MSI2: variants seen among roughly 807,000 people sequenced by gnomAD.
The protein encoded by MSI2 is musashi RNA binding protein 2.
Under a neutral mutation model 45.6 loss-of-function variants are expected in MSI2, and 17 were observed. That is an observed-to-expected ratio of 0.37 (90% confidence interval 0.26 to 0.56). MSI2 has a LOEUF of 0.56. Ranked by LOEUF, MSI2 falls within the 20% of genes least tolerant of loss-of-function variation. The pLI is 0.77. For synonymous variants in MSI2, 156 were observed against 158.2 expected, an observed-to-expected ratio of 0.99 and a Z score of 0.11; for missense variants, 293 against 444.2, an observed-to-expected ratio of 0.66 and a Z score of 3.06.
chr17:57,288,760 C>G (rs1299343084), intron 5 of MSI2, among the ~76,000 whole-genome samples: 1 of 152,132 alleles, frequency 6.6e-6, no homozygotes. Flanking sequence ...CTTCTGTGCT[C>G]TAGGCCAGGG....
chr17:57,382,329 G>T lies in MSI2; in HGVS notation c.313-19050G>T, dbSNP rs144325892. ...ATGAGAGGCTGGGAGAAGGTCTAGG[G>T]AGTGCTGAGGTGTGGGCGGAATTGA... On this transcript the variant is annotated intron_variant, in intron 5 of 13. Transcript: ENST00000284073. Among the ~76,000 whole-genome samples the T allele has an allele frequency of 2.9e-3, 449 of 152,292 alleles. 2 individuals are homozygous for T. Among genetic ancestry groups the T allele is most frequent in the African/African-American group, 0.01 (430 of 41,554 alleles).
At chr17:57,533,508 A>C (rs999536293) in intron 7 of MSI2, among the ~76,000 whole-genome samples, 1 of 152,220 alleles carries the variant, frequency 6.6e-6, no homozygotes, top group South Asian at 2.1e-4. Context: ...GATGAGCCCC[A>C]GGACCTGAAG....
At chr17:57,378,833 T>C (rs753077403) in intron 5 of MSI2, among the ~76,000 whole-genome samples, 8 of 152,192 alleles carry the variant, frequency 5.3e-5, no homozygotes, top group Non-Finnish European at 8.8e-5. Context: ...TGCCCCAAAC[T>C]GAATTATCCC....
chr17:57,672,404 T>G (rs555556267), intron 11 of MSI2, among the ~76,000 whole-genome samples: 13 of 152,330 alleles, frequency 8.5e-5, no homozygotes, highest in Admixed American at 5.2e-4. Flanking sequence ...CCAACAGCCC[T>G]TTTGTCTTCT....
At chr17:57,361,005 C>T (rs1445184661) in intron 5 of MSI2, among the ~76,000 whole-genome samples, 1 of 152,170 alleles carries the variant, frequency 6.6e-6, no homozygotes, top group Non-Finnish European at 1.5e-5. Context: ...AATATTAACT[C>T]GGAATATGGG....
intron 10 of MSI2, chr17:57,632,285 T>C (rs1325149754): frequency 8.3e-6 from 9 of 1,078,546 alleles, no homozygotes; most frequent in Admixed American, 5.2e-5. Flanking sequence ...TGTCTTACGA[T>C]GGACAGTGAT....
At chr17:57,442,106 G>A (rs767130360) in intron 6 of MSI2, among the ~76,000 whole-genome samples, 4 of 150,470 alleles carry the variant, frequency 2.7e-5, no homozygotes, top group Non-Finnish European at 5.9e-5. Flanking sequence ...GTGCGATCTC[G>A]GCTCACTGGG....
intron 5 of MSI2, among the ~76,000 whole-genome samples, chr17:57,334,549 T>G (rs1248674731): frequency 6.6e-6 from 1 of 152,110 alleles, no homozygotes; most frequent in Non-Finnish European, 1.5e-5. Context: ...ATCCCAGCAC[T>G]TTGGGAAGCC....
intron 11 of MSI2, among the ~76,000 whole-genome samples, chr17:57,674,346 T>A (rs1423593216): frequency 1.3e-5 from 2 of 151,214 alleles, no homozygotes; most frequent in Non-Finnish European, 2.9e-5. Flanking sequence ...ACAAAACAAA[T>A]TTGTCATTTA....
chr17:57,322,542 A>C (rs1427901097), intron 5 of MSI2, among the ~76,000 whole-genome samples: 1 of 150,204 alleles, frequency 6.7e-6, no homozygotes, highest in Non-Finnish European at 1.5e-5. Flanking sequence ...AAATAACAGC[A>C]TAGAAATAAA....
chr17:57,275,131 T>C (rs533463006), intron 5 of MSI2, among the ~76,000 whole-genome samples: 2 of 152,164 alleles, frequency 1.3e-5, no homozygotes, highest in South Asian at 4.2e-4. Context: ...TAAAAGAGGG[T>C]GTTGTCATCC....
At chr17:57,516,591 T>C (rs1299643857) in intron 6 of MSI2, among the ~76,000 whole-genome samples, 2 of 152,192 alleles carry the variant, frequency 1.3e-5, no homozygotes, top group South Asian at 2.1e-4. Flanking sequence ...CCAACAGATA[T>C]TTGTTGAGCA....
chr17:57,328,233 T>G (rs1020570836), intron 5 of MSI2, among the ~76,000 whole-genome samples: 6 of 151,942 alleles, frequency 3.9e-5, no homozygotes, highest in Non-Finnish European at 5.9e-5. Flanking sequence ...CATCCATGCA[T>G]CTACCTAGCC....
At chr17:57,294,199 G>A (rs756416665) in intron 5 of MSI2, among the ~76,000 whole-genome samples, 1 of 152,128 alleles carries the variant, frequency 6.6e-6, no homozygotes, top group Non-Finnish European at 1.5e-5. Context: ...TTGGATATTT[G>A]TTTGACCTTT....
intron 7 of MSI2, among the ~76,000 whole-genome samples, chr17:57,532,623 C>G (rs1321671435): frequency 6.6e-6 from 1 of 152,180 alleles, no homozygotes; most frequent in Admixed American, 6.5e-5. Flanking sequence ...ATGGAGTGCA[C>G]ATTTGGAGTC....
chr17:57,637,368 T>C (rs1909916901), intron 10 of MSI2, among the ~76,000 whole-genome samples: 1 of 152,000 alleles, frequency 6.6e-6, no homozygotes, highest in African/African-American at 2.4e-5. Context: ...AAATCAGGAG[T>C]TGACTCTATT....
At chr17:57,351,960 A>G (rs1295226631) in intron 5 of MSI2, among the ~76,000 whole-genome samples, 2 of 152,246 alleles carry the variant, frequency 1.3e-5, no homozygotes, top group African/African-American at 4.8e-5. Context: ...GAGTGAGACA[A>G]TGAATGAATG....
At chr17:57,530,601 T>C (rs936774315) in intron 7 of MSI2, among the ~76,000 whole-genome samples, 1 of 151,808 alleles carries the variant, frequency 6.6e-6, no homozygotes, top group African/African-American at 2.4e-5. Context: ...CCTAAGGGGG[T>C]GGCAGGAAAT....
At chr17:57,301,392 A>C (rs946557404) in intron 5 of MSI2, among the ~76,000 whole-genome samples, 1 of 152,228 alleles carries the variant, frequency 6.6e-6, no homozygotes, top group Non-Finnish European at 1.5e-5. Context: ...CCTTCCTCAC[A>C]TATAAAATAT....
Sources: allele counts gnomAD v4.1 joint callset (sites outside exome capture counted in the v4.1 genomes callset), GRCh38; gene constraint gnomAD v4.1.1; transcripts MANE v1.5; gene names NCBI Gene and HGNC (gene_info 2026-07-23, HGNC 2026-07-21).